RAPGEF6: variants seen among roughly 807,000 people sequenced by gnomAD.
RAPGEF6 encodes the protein Rap guanine nucleotide exchange factor 6, also known as PDZ domain containing guanine nucleotide exchange factor (GEF) 2.
A neutral mutation model predicts 171.4 loss-of-function variants in RAPGEF6; 56 were observed. The ratio of observed to expected loss-of-function variants is 0.33; its 90% CI spans 0.26 to 0.41. The LOEUF is 0.41. RAPGEF6 is among the 10% of genes least tolerant of loss of function. The pLI is 1.00. For missense variants in RAPGEF6, 1,674 were observed against 1,921.4 expected (o/e 0.87, Z 2.41); for synonymous variants, 692 against 650.1 (o/e 1.06, Z -0.98).
chr5:131,452,995 T>G, intron 21 of RAPGEF6, 59 bp downstream of exon 21: 1 of 1,535,680 alleles, frequency 6.5e-7, no homozygotes, highest in Non-Finnish European at 8.8e-7. Context: ...GATAAATATT[T>G]TAATTATTAC....
rs185896084 is a variant in RAPGEF6 at position 131,471,768 on chromosome 5, A to T, written c.2239+819T>A. ...AAAAAAAAATAACTTGACATCCCAC[A>T]CTGGAAGTCCAAACAACAATGAAAA... On this transcript the variant is annotated intron_variant, in intron 17 of 27. Transcript: ENST00000509018. 1.6e-3 allele frequency among the ~76,000 whole-genome samples: 245 copies of T among 152,310 alleles called. 3 individuals are homozygous for T. The highest frequency in any genetic ancestry group is 5.0e-3 in the South Asian group (24 of 4,826).
chr5:131,460,216 G>C (rs575328043), intron 19 of RAPGEF6, among the ~76,000 whole-genome samples: 72 of 151,852 alleles, frequency 4.7e-4, no homozygotes, highest in Middle Eastern at 3.4e-3. Flanking sequence ...CCCTTCTTTG[G>C]GCTACTGTCC....
rs1307719609 is a variant in RAPGEF6 at position 131,446,565 on chromosome 5, C to A, written c.3339G>T (p.Gln1113His). The A allele has an allele frequency of 1.2e-6, 2 of 1,614,246 alleles. No homozygotes were observed. The highest frequency in any genetic ancestry group is 1.7e-6 in the Non-Finnish European group (2 of 1,180,040). Residue 1113 changes from glutamine to histidine, a missense_variant, in exon 22 of 28, where the codon CAG (glutamine) becomes CAT (histidine). Around this residue, in one of 3 missense-constraint regions of RAPGEF6, gnomAD observed 6 missense variants for 25.7 expected, o/e 0.23. Coordinates refer to ENST00000509018, the MANE Select transcript of RAPGEF6 (RefSeq NM_016340.6). ...EDAQMARKVK[Q>H]YLSSLDVETD... ...TCTCTACATCGAGACTGGAAAGATA[C>A]TGCTTCACCTTCCTTGCCATTTGGG...
chr5:131,490,760 A>C (rs1246690287), intron 14 of RAPGEF6, among the ~76,000 whole-genome samples: 1 of 152,228 alleles, frequency 6.6e-6, no homozygotes, highest in Non-Finnish European at 1.5e-5. Context: ...TTAAAAAAGT[A>C]CTAAAAGAAG....
chr5:131,484,799 T>C (rs904718781), intron 15 of RAPGEF6, among the ~76,000 whole-genome samples: 2 of 152,224 alleles, frequency 1.3e-5, no homozygotes, highest in Non-Finnish European at 2.9e-5. Flanking sequence ...CTGTATGAAC[T>C]GATGTGAAAA....
chr5:131,612,700 A>G (rs1054033124), intron 1 of RAPGEF6, among the ~76,000 whole-genome samples: 4 of 152,216 alleles, frequency 2.6e-5, no homozygotes, highest in African/African-American at 9.6e-5. Context: ...TATGGCAAAC[A>G]GAACTCCCAT....
intron 4 of RAPGEF6, 135 bp from the exon 5 acceptor site, chr5:131,562,182 T>G (rs73262170): frequency 1.4e-5 from 8 of 587,648 alleles, no homozygotes; most frequent in Non-Finnish European, 2.3e-5. Flanking sequence ...ACAATATTTA[T>G]GTTAAGATTT....
chr5:131,547,986 A>G, intron 6 of RAPGEF6, 61 bp downstream of exon 6: 2 of 1,551,188 alleles, frequency 1.3e-6, no homozygotes, highest in Non-Finnish European at 1.8e-6. Flanking sequence ...ATACATGTAA[A>G]TTAAAGATAC....
At chr5:131,612,356 A>C (rs919770470) in intron 1 of RAPGEF6, among the ~76,000 whole-genome samples, 7 of 152,052 alleles carry the variant, frequency 4.6e-5, no homozygotes, top group Non-Finnish European at 1.0e-4. Context: ...GCTTTGCGTT[A>C]GATGATTTTG....
intron 1 of RAPGEF6, among the ~76,000 whole-genome samples, chr5:131,610,020 T>G (rs1242068802): frequency 6.6e-6 from 1 of 152,174 alleles, no homozygotes; most frequent in East Asian, 1.9e-4. Flanking sequence ...AACGCTGTAA[T>G]AACCTTATAA....
chr5:131,433,370 C>T (rs1751825062), intron 25 of RAPGEF6, 60 bp downstream of exon 25: 1 of 1,483,556 alleles, frequency 6.7e-7, no homozygotes, highest in African/African-American at 1.4e-5. Flanking sequence ...GTGGGGAGCA[C>T]TCCTTGCAGT....
At chr5:131,428,767 G>C in intron 27 of RAPGEF6, 135 bp downstream of exon 27, 2 of 1,011,108 alleles carry the variant, frequency 2.0e-6, no homozygotes, top group Non-Finnish European at 2.8e-6. Context: ...CTGCCGGCAG[G>C]AACTTCTTAC....
intron 10 of RAPGEF6, among the ~76,000 whole-genome samples, chr5:131,505,046 G>A (rs1757279360): frequency 6.6e-6 from 1 of 151,498 alleles, no homozygotes; most frequent in African/African-American, 2.4e-5. Context: ...TATGAAGCAG[G>A]AGTAAGTTAG....
At chr5:131,480,485 TTGAC>T (rs1561497225) in intron 15 of RAPGEF6, among the ~76,000 whole-genome samples, 2 of 151,784 alleles carry the variant, frequency 1.3e-5, no homozygotes, top group Admixed American at 1.3e-4. Flanking sequence ...TATTGATTGA[TTGAC>T]TGATTTTGAG....
intron 21 of RAPGEF6, among the ~76,000 whole-genome samples, chr5:131,452,093 G>A (rs1043521468): frequency 3.3e-5 from 5 of 151,992 alleles, no homozygotes; most frequent in South Asian, 2.1e-4. Context: ...AGTGGCAGGC[G>A]CCTGTTGTTC....
intron 25 of RAPGEF6, among the ~76,000 whole-genome samples, 188 bp downstream of exon 25, chr5:131,433,242 C>T (rs1024840406): frequency 6.6e-6 from 1 of 152,110 alleles, no homozygotes; most frequent in Non-Finnish European, 1.5e-5. Flanking sequence ...AAAATGAACA[C>T]CCATACATCT....
chr5:131,459,588 CTGTTTTAA>C (rs1753769205), intron 19 of RAPGEF6, among the ~76,000 whole-genome samples: 1 of 152,142 alleles, frequency 6.6e-6, no homozygotes. Flanking sequence ...ACACCACACA[CTGTTTTAA>C]ATAGCCAAAG....
At chr5:131,625,160 G>C (rs1440788066) in intron 1 of RAPGEF6, among the ~76,000 whole-genome samples, 1 of 152,198 alleles carries the variant, frequency 6.6e-6, no homozygotes, top group Non-Finnish European at 1.5e-5. Flanking sequence ...TACTTGGGAT[G>C]CTGAGGCAGG....
At position 131,446,635 on chromosome 5, in the gene RAPGEF6, G is replaced by T. The variant is rs1214236522; in HGVS notation, c.3269C>A (p.Ala1090Glu). 3.1e-6 allele frequency: 5 copies of T among 1,614,174 alleles called. No individual in the cohort carries two copies. The highest frequency in any genetic ancestry group is 4.2e-6 in the Non-Finnish European group (5 of 1,180,004). ...GGCATTAAGCAGAGAGCTGCGGCGT[G>T]CCCTTTTTTTGTGAGCACCTCCCTG... is the stretch of plus-strand genomic sequence containing the variant. ...DVQGGAHKKR[A>E]RRSSLLNAKK... is the part of the protein sequence containing the mutation. Residue 1090 changes from alanine (A) to glutamate (E), a missense_variant, in exon 22 of 28, where the codon GCA becomes GAA. Coordinates refer to ENST00000509018, the MANE Select transcript of RAPGEF6 (RefSeq NM_016340.6).
Sources: gnomAD v4.1 joint callset for allele counts (sites outside exome capture counted in the v4.1 genomes callset) on GRCh38, gnomAD v4.1.1 for gene constraint, gnomAD v4.1.1 regional missense constraint, MANE v1.5 for transcripts, NCBI Gene and HGNC (gene_info 2026-07-23, HGNC 2026-07-21) for gene names.